Variants in SCAI observed in about 807,000 individuals in gnomAD.
SCAI encodes the protein protein SCAI.
Under a neutral mutation model 92.2 loss-of-function variants are expected in SCAI, and 24 were observed. The ratio of observed to expected loss-of-function variants is 0.26; its 90% CI spans 0.19 to 0.37. The LOEUF (loss-of-function observed/expected upper bound fraction) is 0.37. Ranked by LOEUF, SCAI falls within the 10% of genes least tolerant of loss-of-function variation. SCAI has a pLI of 1.00. For synonymous variants in SCAI, 261 were observed against 258.6 expected (o/e 1.01, Z -0.09); for missense variants, 450 against 736.2 (o/e 0.61, Z 4.50).
intron 2 of SCAI, among the ~76,000 whole-genome samples, chr9:125,109,622 C>T (rs1834890911): frequency 6.6e-6 from 1 of 152,040 alleles, no homozygotes; most frequent in Non-Finnish European, 1.5e-5. Flanking sequence ...AAATGAACTA[C>T]TGAAGCAACT....
chr9:124,994,056 C>CG (rs1189530549), intron 14 of SCAI, among the ~76,000 whole-genome samples: 1 of 135,676 alleles, frequency 7.4e-6, no homozygotes, highest in Non-Finnish European at 1.6e-5. Flanking sequence ...TTTTTTGAGA[C>CG]GGAGTTTTGC....
rs180744139 is a variant in SCAI at position 125,098,726 on chromosome 9, T to C, written c.99-42719A>G. On this transcript the variant is annotated intron_variant, in intron 2 of 17. Transcript: ENST00000336505. ...TCTGTGGTGGTGTTTTTCCTATTTG[T>C]GAACTGCAAAGGGAAGTCTCCAATC... 3.3e-3 allele frequency among the ~76,000 whole-genome samples: 510 copies of C among 152,320 alleles called. 3 individuals carry two copies. Among genetic ancestry groups the C allele is most frequent in the Non-Finnish European group, 5.7e-3 (388 of 68,034 alleles).
At chr9:125,005,243 A>G (rs764583682) in intron 9 of SCAI, among the ~76,000 whole-genome samples, 1 of 152,240 alleles carries the variant, frequency 6.6e-6, no homozygotes, top group African/African-American at 2.4e-5. Flanking sequence ...ACATGTTTCT[A>G]TCAAATAAAA....
chr9:125,027,651 G>T (rs1832989757), intron 5 of SCAI, among the ~76,000 whole-genome samples: 2 of 151,334 alleles, frequency 1.3e-5, no homozygotes, highest in Non-Finnish European at 3.0e-5. Flanking sequence ...CTCCCAAGTA[G>T]CTGGGATTAC....
At chr9:125,076,505 A>AAAAAC (rs1167674799) in intron 2 of SCAI, among the ~76,000 whole-genome samples, 1 of 152,066 alleles carries the variant, frequency 6.6e-6, no homozygotes, top group Non-Finnish European at 1.5e-5. Context: ...GCCATCTCAA[A>AAAAAC]AAAACAAAAC....
At chr9:125,009,510 A>G (rs1832586356) in intron 9 of SCAI, among the ~76,000 whole-genome samples, 1 of 151,780 alleles carries the variant, frequency 6.6e-6, no homozygotes. Flanking sequence ...CCCTCAGGCG[A>G]TCTGCCCCAC....
At chr9:124,984,379 A>G (rs1353969214) in intron 14 of SCAI, among the ~76,000 whole-genome samples, 1 of 152,220 alleles carries the variant, frequency 6.6e-6, no homozygotes, top group Admixed American at 6.5e-5. Flanking sequence ...TTGAGTAGAA[A>G]GGTGGCATAT....
At chr9:125,107,827 C>T (rs953553909) in intron 2 of SCAI, among the ~76,000 whole-genome samples, 9 of 152,228 alleles carry the variant, frequency 5.9e-5, no homozygotes, top group African/African-American at 1.7e-4. Flanking sequence ...TCTCCATCTC[C>T]CTCTCCCCAC....
chr9:125,137,024 T>C lies in SCAI; in HGVS notation c.98+5609A>G, dbSNP rs151228754. 2.8e-3 allele frequency among the ~76,000 whole-genome samples: 425 copies of C among 152,306 alleles called. 5 individuals carry two copies. Among genetic ancestry groups the C allele is most frequent in the African/African-American group, 9.8e-3 (409 of 41,552 alleles). On this transcript the variant is annotated intron_variant, in intron 2 of 17. Transcript: ENST00000336505. ...CACCCGCCTCGGCCTCCCAAAGTGC[T>C]GGGATGACAGGTGTGAGCCACCGCG...
In SCAI at chr9:125,004,050, C is replaced by T. The variant is rs147397859; in HGVS notation, c.862-480G>A. 2.9e-3 allele frequency among the ~76,000 whole-genome samples: 437 copies of T among 152,112 alleles called. 5 individuals carry two copies. The highest frequency in any genetic ancestry group is 0.01 in the African/African-American group (423 of 41,518). The stretch of plus-strand genomic sequence containing the variant: ...AATTAGCCGGGTGTGGTGGTGGATG[C>T]CTGTAATCCCAGCTACATAGGAGGC... On this transcript the variant is annotated intron_variant, in intron 9 of 17. Transcript: ENST00000336505.
chr9:125,059,808 C>T (rs950126798), intron 2 of SCAI, among the ~76,000 whole-genome samples: 1 of 152,178 alleles, frequency 6.6e-6, no homozygotes, highest in Non-Finnish European at 1.5e-5. Flanking sequence ...TTTCCAGTCT[C>T]ACCTTCCACT....
At chr9:124,996,849 C>T (rs373890827) in intron 13 of SCAI, among the ~76,000 whole-genome samples, 50 of 151,812 alleles carry the variant, frequency 3.3e-4, no homozygotes, top group African/African-American at 1.0e-3. Context: ...AGGCTGTTTT[C>T]GAACTCCTGA....
intron 6 of SCAI, among the ~76,000 whole-genome samples, chr9:125,022,608 G>A (rs542158394): frequency 3.5e-4 from 53 of 152,046 alleles, no homozygotes; most frequent in African/African-American, 1.3e-3. Context: ...TGTAGAAATC[G>A]GGTCTTGCTA....
chr9:125,105,169 A>C (rs1038772892), intron 2 of SCAI, among the ~76,000 whole-genome samples: 1 of 151,448 alleles, frequency 6.6e-6, no homozygotes, highest in Non-Finnish European at 1.5e-5. Context: ...CCATCTCTAC[A>C]AAAAAAACTT....
intron 3 of SCAI, among the ~76,000 whole-genome samples, chr9:125,051,040 A>G (rs1203336858): frequency 6.6e-6 from 1 of 152,074 alleles, no homozygotes; most frequent in Non-Finnish European, 1.5e-5. Context: ...TTATTTACTT[A>G]GAGACAGAGT....
At chr9:124,981,292 C>T (rs993594773) in intron 14 of SCAI, among the ~76,000 whole-genome samples, 2 of 152,068 alleles carry the variant, frequency 1.3e-5, no homozygotes, top group Admixed American at 6.6e-5. Context: ...AAAATCATAC[C>T]GTCTGCAACT....
At chr9:124,986,247 C>T (rs369006131) in intron 14 of SCAI, among the ~76,000 whole-genome samples, 3 of 152,164 alleles carry the variant, frequency 2.0e-5, no homozygotes, top group Non-Finnish European at 2.9e-5. Flanking sequence ...GCCGAGATCA[C>T]GCCACTGCAC....
chr9:124,968,647 T>G, intron 17 of SCAI: 1 of 1,027,028 alleles, frequency 9.7e-7, no homozygotes, highest in Non-Finnish European at 1.6e-6. Flanking sequence ...CTTTCATAGG[T>G]GGTCTCATCT....
At chr9:124,962,780 A>G (rs1831465675) in intron 17 of SCAI, among the ~76,000 whole-genome samples, 1 of 151,342 alleles carries the variant, frequency 6.6e-6, no homozygotes, top group Admixed American at 6.6e-5. Flanking sequence ...TGTATTATAT[A>G]TTGTTTTTTC....
Sources: gnomAD v4.1 joint callset for allele counts (sites outside exome capture counted in the v4.1 genomes callset) on GRCh38, gnomAD v4.1.1 for gene constraint, MANE v1.5 for transcripts, NCBI Gene and HGNC (gene_info 2026-07-23, HGNC 2026-07-21) for gene names.